SNX29: variants seen among roughly 807,000 people sequenced by gnomAD.
SNX29 encodes sorting nexin-29.
A neutral mutation model predicts 102.1 loss-of-function variants in SNX29; 78 were observed. That is an observed-to-expected ratio of 0.76 (90% CI 0.64 to 0.92). The LOEUF (loss-of-function observed/expected upper bound fraction) is 0.92, where lower values mean the gene tolerates loss of function less well. Ranked by LOEUF, SNX29 falls within the 40% of genes least tolerant of loss-of-function variation. The pLI is 0.00. For synonymous variants in SNX29, 580 were observed against 414.5 expected (o/e 1.40, Z -4.85); for missense variants, 1,280 against 1,061.7 (o/e 1.21, Z -2.86).
At chr16:12,394,005 A>G (rs191813026) in intron 16 of SNX29, among the ~76,000 whole-genome samples, 1 of 152,356 alleles carries the variant, frequency 6.6e-6, no homozygotes, top group Admixed American at 6.5e-5. Context: ...CTGAGAGCTT[A>G]TGTACTTGGC....
intron 13 of SNX29, among the ~76,000 whole-genome samples, chr16:12,143,197 A>T (rs2054928341): frequency 6.6e-6 from 1 of 151,654 alleles, no homozygotes; most frequent in Non-Finnish European, 1.5e-5. Context: ...GGGTTTCTCC[A>T]TGTTGGTCAG....
At chr16:12,137,105 T>C (rs2054691249) in intron 13 of SNX29, among the ~76,000 whole-genome samples, 1 of 152,180 alleles carries the variant, frequency 6.6e-6, no homozygotes, top group East Asian at 1.9e-4. Context: ...TTGACAGTCT[T>C]ACCAGGTCCC....
At chr16:12,068,544 G>C (rs1266710533) in intron 9 of SNX29, among the ~76,000 whole-genome samples, 1 of 150,638 alleles carries the variant, frequency 6.6e-6, no homozygotes, top group African/African-American at 2.4e-5. Context: ...GAAGTATAGG[G>C]CTTTTAAAAA....
At chr16:12,053,805 C>A (rs62037741) in intron 8 of SNX29, among the ~76,000 whole-genome samples, 60,345 of 151,528 alleles carry the variant, frequency 0.4, 12,636 homozygotes, top group Middle Eastern at 0.5. Flanking sequence ...TGATTTATAC[C>A]CTATATTGTA....
At chr16:12,354,503 G>T (rs1222286625) in intron 15 of SNX29, among the ~76,000 whole-genome samples, 1 of 152,146 alleles carries the variant, frequency 6.6e-6, no homozygotes, top group East Asian at 1.9e-4. Flanking sequence ...TAACACTCTG[G>T]CTCCCACTGC....
At chr16:12,540,512 G>A (rs1000204673) in intron 20 of SNX29, among the ~76,000 whole-genome samples, 7 of 152,240 alleles carry the variant, frequency 4.6e-5, no homozygotes, top group South Asian at 2.1e-4. Flanking sequence ...TCTCGAGGTT[G>A]TGGGGCAGAA....
At chr16:11,990,401 C>T (rs1487360184) in intron 1 of SNX29, among the ~76,000 whole-genome samples, 2 of 152,160 alleles carry the variant, frequency 1.3e-5, no homozygotes, top group Non-Finnish European at 2.9e-5. Flanking sequence ...TGTGCCTTGC[C>T]AGCCCAACCC....
intron 16 of SNX29, among the ~76,000 whole-genome samples, chr16:12,377,116 T>A (rs1357612472): frequency 2.0e-5 from 3 of 152,186 alleles, no homozygotes; most frequent in Admixed American, 6.5e-5. Flanking sequence ...TCTCCAGGCC[T>A]ATACAAGCCT....
chr16:12,110,927 G>T (rs1192876558), intron 11 of SNX29, among the ~76,000 whole-genome samples: 1 of 151,990 alleles, frequency 6.6e-6, no homozygotes, highest in South Asian at 2.1e-4. Flanking sequence ...GGGCTCAAGC[G>T]ACCCTCCTGG....
intron 14 of SNX29, among the ~76,000 whole-genome samples, chr16:12,207,731 C>T (rs754078162): frequency 2.6e-4 from 39 of 152,152 alleles, no homozygotes; most frequent in Non-Finnish European, 3.7e-4. Flanking sequence ...CTCCTGTCAC[C>T]TGAAAGAAAT....
intron 20 of SNX29, among the ~76,000 whole-genome samples, chr16:12,566,549 G>A (rs1471932446): frequency 2.0e-5 from 3 of 152,222 alleles, no homozygotes; most frequent in African/African-American, 7.2e-5. Flanking sequence ...GGAGGGGGTT[G>A]TGAGGGCATG....
At chr16:12,449,438 C>A (rs931850603) in intron 18 of SNX29, among the ~76,000 whole-genome samples, 1 of 151,952 alleles carries the variant, frequency 6.6e-6, no homozygotes, top group Non-Finnish European at 1.5e-5. Context: ...TTATGCAGTG[C>A]AAAGCAGGTA....
intron 19 of SNX29, among the ~76,000 whole-genome samples, chr16:12,523,628 G>A (rs1022586485): frequency 2.0e-5 from 3 of 152,186 alleles, no homozygotes; most frequent in African/African-American, 7.2e-5. Context: ...AGCTCACCAC[G>A]CAGTCCCAGT....
At chr16:12,547,944 C>T (rs918751719) in intron 20 of SNX29, among the ~76,000 whole-genome samples, 37 of 152,262 alleles carry the variant, frequency 2.4e-4, no homozygotes, top group African/African-American at 7.2e-4. Flanking sequence ...TCCCAGTCTG[C>T]CCTCAAGGTG....
chr16:12,110,179 A>G (rs2053446311), intron 11 of SNX29, among the ~76,000 whole-genome samples: 1 of 152,128 alleles, frequency 6.6e-6, no homozygotes, highest in Non-Finnish European at 1.5e-5. Context: ...CTAAAGCTGC[A>G]AATGGCTCTC....
At chr16:12,298,035 T>G (rs2080040078) in intron 15 of SNX29, among the ~76,000 whole-genome samples, 1 of 152,120 alleles carries the variant, frequency 6.6e-6, no homozygotes, top group Non-Finnish European at 1.5e-5. Context: ...CTTGGCATGG[T>G]GGTGTGCGTC....
intron 18 of SNX29, among the ~76,000 whole-genome samples, chr16:12,456,505 A>ATG (rs1567582103): frequency 1.5e-5 from 2 of 137,524 alleles, no homozygotes; most frequent in Admixed American, 7.3e-5. Context: ...GCATGTGTGC[A>ATG]CGTGTGTGTG....
At chr16:12,447,592 G>A (rs1411737914) in intron 18 of SNX29, among the ~76,000 whole-genome samples, 1 of 152,226 alleles carries the variant, frequency 6.6e-6, no homozygotes, top group Non-Finnish European at 1.5e-5. Context: ...AGGTCTTACA[G>A]CAAAATCAAT....
In SNX29 at chr16:12,471,020, A is replaced by G. The variant is rs370624793; in HGVS notation, c.2038-6699A>G. ...GAAAAGGATAACTGTGGGGACGTGAACCCAGGCCTCCCTCCCTATGTAGCT... is the reference window on the plus strand; with the variant it reads ...GAAAAGGATAACTGTGGGGACGTGAGCCCAGGCCTCCCTCCCTATGTAGCT... On this transcript the variant is annotated intron_variant, in intron 18 of 20. Transcript: ENST00000566228. Among the ~76,000 whole-genome samples, 9 of 152,186 alleles carry G rather than the reference A, an allele frequency of 5.9e-5. No homozygotes were observed. In the East Asian group the frequency reaches 9.7e-4, roughly 16 times the overall value.
Sources: gnomAD v4.1 joint callset for allele counts (sites outside exome capture counted in the v4.1 genomes callset) on GRCh38, gnomAD v4.1.1 for gene constraint, MANE v1.5 for transcripts, NCBI Gene and HGNC (gene_info 2026-07-23, HGNC 2026-07-21) for gene names.